Variants in CATSPERB observed in about 807,000 individuals in gnomAD.
CATSPERB encodes the protein cation channel sperm-associated auxiliary subunit beta.
In CATSPERB, 93 loss-of-function variants were observed where a neutral mutation model predicts 128.3. The ratio of observed to expected loss-of-function variants is 0.72; its 90% CI spans 0.61 to 0.86. The LOEUF (loss-of-function observed/expected upper bound fraction) is 0.86. CATSPERB is among the 40% of genes least tolerant of loss of function. CATSPERB has a pLI of 0.00. For synonymous variants in CATSPERB, 381 were observed against 448.8 expected, an observed-to-expected ratio of 0.85 and a Z score of 1.91; for missense variants, 1,153 against 1,329.5, an observed-to-expected ratio of 0.87 and a Z score of 2.06.
intron 22 of CATSPERB, among the ~76,000 whole-genome samples, chr14:91,595,199 C>T (rs188960906): frequency 2.6e-4 from 40 of 151,914 alleles, no homozygotes; most frequent in Non-Finnish European, 4.4e-4. Flanking sequence ...GCCTAATATT[C>T]GTATACAGTG....
At chr14:91,630,950 TTCA>T (rs1894264366) in intron 17 of CATSPERB, among the ~76,000 whole-genome samples, 2 of 152,248 alleles carry the variant, frequency 1.3e-5, no homozygotes, top group South Asian at 2.1e-4. Context: ...ACTGGCTTTC[TTCA>T]TGTTTATTAA....
intron 9 of CATSPERB, among the ~76,000 whole-genome samples, chr14:91,692,139 T>C (rs959511453): frequency 4.2e-5 from 6 of 141,590 alleles, no homozygotes; most frequent in Non-Finnish European, 9.0e-5. Flanking sequence ...ATCACGCCAC[T>C]GCACTCCAGC....
intron 11 of CATSPERB, among the ~76,000 whole-genome samples, chr14:91,682,492 T>A (rs1382800358): frequency 1.3e-5 from 2 of 152,198 alleles, no homozygotes; most frequent in Admixed American, 1.3e-4. Flanking sequence ...AGCAACTATA[T>A]GGCTGGGGTA....
intron 17 of CATSPERB, 118 bp downstream of exon 17, chr14:91,636,307 G>A: frequency 1.2e-6 from 1 of 850,910 alleles, no homozygotes; most frequent in Admixed American, 2.2e-5. Flanking sequence ...AGGCTGCAGT[G>A]AGCTGTCATC....
intron 5 of CATSPERB, among the ~76,000 whole-genome samples, chr14:91,716,610 CAAAA>C: frequency 6.6e-6 from 1 of 151,748 alleles, no homozygotes. Flanking sequence ...AACAAACAAA[CAAAA>C]AACCACACAA....
chr14:91,647,722 C>T (rs1196211910), intron 15 of CATSPERB, among the ~76,000 whole-genome samples: 2 of 152,076 alleles, frequency 1.3e-5, no homozygotes, highest in Non-Finnish European at 1.5e-5. Context: ...GAAAGGCCTG[C>T]CCCCATGATT....
At chr14:91,648,945 C>T (rs1274945631) in intron 15 of CATSPERB, among the ~76,000 whole-genome samples, 3 of 151,882 alleles carry the variant, frequency 2.0e-5, no homozygotes, top group Admixed American at 2.0e-4. Context: ...CACCACACAA[C>T]GCAACACACA....
chr14:91,603,492 G>C (rs1893643267), intron 22 of CATSPERB: 1 of 1,091,152 alleles, frequency 9.2e-7, no homozygotes. Context: ...TAAAGTGTGG[G>C]CAAAACTCTG....
At chr14:91,600,657 T>C (rs1264401462) in intron 22 of CATSPERB, among the ~76,000 whole-genome samples, 15 of 152,260 alleles carry the variant, frequency 9.9e-5, no homozygotes, top group Admixed American at 9.2e-4. Context: ...TGGAATAATT[T>C]CACTGTCTCA....
intron 11 of CATSPERB, among the ~76,000 whole-genome samples, chr14:91,676,225 G>A (rs1035507631): frequency 3.9e-5 from 6 of 152,090 alleles, no homozygotes; most frequent in Non-Finnish European, 8.8e-5. Flanking sequence ...TTGGGACCAT[G>A]AATGGTACCA....
Position 91,639,196 on chromosome 14 carries a change from T to C in CATSPERB, c.1487A>G (p.Tyr496Cys), listed in dbSNP as rs754676555. 3 of 1,613,876 alleles carry C rather than the reference T, an allele frequency of 1.9e-6. No individual in the cohort carries two copies. Among genetic ancestry groups the C allele is most frequent in the South Asian group, 1.1e-5 (1 of 91,074 alleles). Residue 496 changes from tyrosine to cysteine, a missense_variant, in exon 16 of 27, where the codon TAC (tyrosine) becomes TGC (cysteine). Physicochemically the swap from Tyr to Cys is radical, Grantham distance 194. Transcript: ENST00000256343. ...ATGTAGGAATCCCAAGTGATCATAG[T>C]ATAATGTGAAAATTCTCTCAGTAAC... ...GSVTERIFTL[Y>C]YDHLGFLHKL...
rs71120188 is a variant in CATSPERB at position 91,709,524 on chromosome 14, CA to C, written c.371-1289del. 5.6e-4 allele frequency: 42 copies of C among 74,638 alleles called. 1 individual carries two copies. Among genetic ancestry groups the C allele is most frequent in the Middle Eastern group, 7.8e-3 (1 of 128 alleles). 4.6% of individuals were successfully genotyped at this position (74,638 alleles called of 1,614,324 possible). On this transcript the variant is annotated intron_variant, in intron 5 of 26. Transcript: ENST00000256343. ...TGAAGCCCGGTCTCTACTAAAAATACAAAAAAAAAAAAAAAAAATTAGCCGG... is the reference window on the plus strand; with the variant it reads ...TGAAGCCCGGTCTCTACTAAAAATACAAAAAAAAAAAAAAAAATTAGCCGG...
At chr14:91,590,693 C>A (rs1036076391) in intron 23 of CATSPERB, among the ~76,000 whole-genome samples, 7 of 150,294 alleles carry the variant, frequency 4.7e-5, no homozygotes, top group African/African-American at 1.7e-4. Flanking sequence ...TGCTCTGTCG[C>A]CCAGGCTAGA....
chr14:91,614,093 T>C (rs997562336), intron 20 of CATSPERB, among the ~76,000 whole-genome samples: 2 of 152,188 alleles, frequency 1.3e-5, no homozygotes, highest in African/African-American at 4.8e-5. Context: ...GCTGAATTTT[T>C]TCCTCCAAGA....
At chr14:91,659,306 G>C (rs1219301845) in intron 15 of CATSPERB, among the ~76,000 whole-genome samples, 2 of 152,142 alleles carry the variant, frequency 1.3e-5, no homozygotes, top group Non-Finnish European at 1.5e-5. Context: ...ATATTTGTTA[G>C]TTAAGAAATA....
chr14:91,606,616 G>A (rs986229768), intron 22 of CATSPERB, among the ~76,000 whole-genome samples: 2 of 152,210 alleles, frequency 1.3e-5, no homozygotes, highest in African/African-American at 4.8e-5. Context: ...AGGATATGCA[G>A]GGCCGTACTG....
intron 15 of CATSPERB, among the ~76,000 whole-genome samples, chr14:91,658,431 T>C (rs1423102920): frequency 1.3e-5 from 2 of 151,748 alleles, no homozygotes; most frequent in African/African-American, 4.8e-5. Context: ...CGATGGTTAA[T>C]GGGTACAAAA....
intron 15 of CATSPERB, among the ~76,000 whole-genome samples, chr14:91,653,527 C>T (rs1948023275): frequency 6.6e-6 from 1 of 152,194 alleles, no homozygotes; most frequent in Admixed American, 6.5e-5. Context: ...TACAGTTCCA[C>T]ATGGCTGGGG....
chr14:91,640,022 A>C (rs1267788651), intron 15 of CATSPERB, among the ~76,000 whole-genome samples: 2 of 152,080 alleles, frequency 1.3e-5, no homozygotes, highest in African/African-American at 2.4e-5. Context: ...CCCAAATTTA[A>C]GTCTACCATC....
Sources: gnomAD v4.1 joint callset for allele counts (sites outside exome capture counted in the v4.1 genomes callset) on GRCh38, gnomAD v4.1.1 for gene constraint, MANE v1.5 for transcripts, NCBI Gene and HGNC (gene_info 2026-07-23, HGNC 2026-07-21) for gene names.